The following MCF2L2 variants were observed in gnomAD, a reference collection of about 807,000 sequenced individuals.
MCF2L2 encodes MCF.2 cell line derived transforming sequence-like 2.
MCF2L2 carries 102 observed loss-of-function variants against 150.2 expected under a neutral mutation model. That is an observed-to-expected ratio of 0.68 (90% CI 0.58 to 0.80). The LOEUF (loss-of-function observed/expected upper bound fraction) is 0.80, where lower values mean the gene tolerates loss of function less well. MCF2L2 is among the 30% of genes least tolerant of loss of function. The probability of loss-of-function intolerance (pLI) is 0.00; values close to 1 mark genes in which losing one functional copy is unlikely to be tolerated. For missense variants in MCF2L2, 1,256 were observed against 1,372.8 expected (o/e 0.91, Z 1.34); for synonymous variants, 465 against 491.3 (o/e 0.95, Z 0.71).
At chr3:183,320,928 G>A (rs1729783850) in intron 6 of MCF2L2, among the ~76,000 whole-genome samples, 1 of 152,164 alleles carries the variant, frequency 6.6e-6, no homozygotes, top group South Asian at 2.1e-4. Context: ...TCATTGTAAG[G>A]TAATTAATTG....
Position 183,267,213 on chromosome 3 carries a change from T to TAAA in MCF2L2, c.1862+9656_1862+9658dup, listed in dbSNP as rs3076576. ...TACTACTCTCAGTACACTCTGTATT[T>TAAA]AAAAAAAAAAATGCTGGTTGTGGCT... On this transcript the variant is annotated intron_variant, in intron 15 of 29. Coordinates refer to ENST00000328913, the MANE Select transcript of MCF2L2 (RefSeq NM_015078.4). The surrounding 1 kb of genome is among the most constrained non-coding windows in gnomAD (Gnocchi z 5.5). 1.3e-5 allele frequency among the ~76,000 whole-genome samples: 2 copies of TAAA among 149,156 alleles called. No homozygotes were observed. Among genetic ancestry groups the TAAA allele is most frequent in the African/African-American group, 2.4e-5 (1 of 40,918 alleles).
intron 10 of MCF2L2, among the ~76,000 whole-genome samples, chr3:183,308,939 C>T (rs769152806): frequency 4.6e-5 from 7 of 152,114 alleles, no homozygotes; most frequent in Admixed American, 6.6e-5. Context: ...ACTTGGTCCC[C>T]AAGACCCAAA....
At chr3:183,364,328 A>C (rs934059045) in intron 3 of MCF2L2, among the ~76,000 whole-genome samples, 1 of 152,068 alleles carries the variant, frequency 6.6e-6, no homozygotes. Flanking sequence ...CATCCTGGCT[A>C]ACACGGTGAA....
At chr3:183,274,968 T>G (rs560586836) in intron 15 of MCF2L2, among the ~76,000 whole-genome samples, 9 of 152,052 alleles carry the variant, frequency 5.9e-5, no homozygotes, top group Admixed American at 4.6e-4. Flanking sequence ...TAGCTTGGTT[T>G]TTTTTTTTTT....
chr3:183,348,560 T>C (rs1730990528), intron 3 of MCF2L2, among the ~76,000 whole-genome samples: 1 of 151,958 alleles, frequency 6.6e-6, no homozygotes, highest in African/African-American at 2.4e-5. Context: ...AAACTTAAAG[T>C]ATAATAATAA....
intron 4 of MCF2L2, among the ~76,000 whole-genome samples, chr3:183,340,880 T>G (rs1560029989): frequency 6.6e-6 from 1 of 152,118 alleles, no homozygotes; most frequent in Non-Finnish European, 1.5e-5. Flanking sequence ...GAGGCAGAGG[T>G]TGCAGTCAGC....
chr3:183,206,027 A>G (rs2108646351), intron 24 of MCF2L2, 73 bp from the exon 25 acceptor site: 1 of 1,549,842 alleles, frequency 6.5e-7, no homozygotes, highest in Non-Finnish European at 8.9e-7. Context: ...TCTCCCAGTG[A>G]CCGTTAGACT....
intron 4 of MCF2L2, among the ~76,000 whole-genome samples, chr3:183,340,242 G>A (rs1011903487): frequency 3.3e-5 from 5 of 152,186 alleles, no homozygotes; most frequent in South Asian, 2.1e-4. Context: ...GCTCTAGAGC[G>A]ATCTGAGAGG....
chr3:183,245,771 T>C (rs1023392706), intron 15 of MCF2L2, among the ~76,000 whole-genome samples: 2 of 152,230 alleles, frequency 1.3e-5, no homozygotes, highest in African/African-American at 4.8e-5. Context: ...GAGGATCATA[T>C]TGAAACCAAT....
chr3:183,270,298 A>T lies in MCF2L2; in HGVS notation c.1862+6574T>A. 1.2e-6 allele frequency: 2 copies of T among 1,614,224 alleles called. No homozygotes were observed. Among genetic ancestry groups the T allele is most frequent in the Non-Finnish European group, 1.7e-6 (2 of 1,180,036 alleles). ...CAAGACTTTGTTGATTCTTTCTACA[A>T]TCTTACTCTGAAATTACTTATGCAG... On this transcript the variant is annotated intron_variant, in intron 15 of 29. Transcript: ENST00000328913. The surrounding 1 kb of genome is among the most constrained non-coding windows in gnomAD (Gnocchi z 4.5).
chr3:183,198,267 A>G (rs1279619441), intron 25 of MCF2L2, among the ~76,000 whole-genome samples: 2 of 152,180 alleles, frequency 1.3e-5, no homozygotes, highest in African/African-American at 4.8e-5. Flanking sequence ...AATATGTACT[A>G]TTGTTTACAA....
In MCF2L2 at chr3:183,179,608, C is replaced by T. The variant is rs374949497; in HGVS notation, c.3190G>A (p.Gly1064Arg). ...TCCTCATCGCGTTCTTCTTTTTCTC[C>T]CTGGCTGCTTTCTCCCCTCTCCAGG... ...AFLERGESSQ[G>R]EKEERDEEET... The change falls in exon 29 of 30, where the codon GGA becomes AGA. Residue 1064 changes from glycine to arginine, a missense_variant. Physicochemically the swap from Gly to Arg is moderately radical, Grantham distance 125 (BLOSUM62 -2). Transcript: ENST00000328913. The surrounding 1 kb of genome is among the most constrained non-coding windows in gnomAD (Gnocchi z 4.2). 6 of 1,614,002 alleles carry T rather than the reference C, an allele frequency of 3.7e-6. No homozygotes were observed. The highest frequency in any genetic ancestry group is 2.7e-5 in the African/African-American group (2 of 74,918).
chr3:183,267,309 T>C lies in MCF2L2; in HGVS notation c.1862+9563A>G, dbSNP rs1726247522. 6.6e-6 allele frequency among the ~76,000 whole-genome samples: 1 copy of C among 152,268 alleles called. No homozygotes were observed. Among genetic ancestry groups the C allele is most frequent in the African/African-American group, 2.4e-5 (1 of 41,476 alleles). On this transcript the variant is annotated intron_variant, in intron 15 of 29. Coordinates refer to ENST00000328913, the MANE Select transcript of MCF2L2 (RefSeq NM_015078.4). The surrounding 1 kb of genome is among the most constrained non-coding windows in gnomAD (Gnocchi z 5.5). ...AAGTGTGCCCTATACTGATTATCTC[T>C]GGACAAAGTCTGAATGGGGCTTGGC...
At chr3:183,425,951 A>G (rs1405350385) in intron 1 of MCF2L2, among the ~76,000 whole-genome samples, 1 of 145,956 alleles carries the variant, frequency 6.9e-6, no homozygotes, top group Admixed American at 6.7e-5. Flanking sequence ...GCGAAACTCC[A>G]TCTCAAAAAA....
chr3:183,415,736 T>C (rs1465664500), intron 1 of MCF2L2, among the ~76,000 whole-genome samples: 1 of 152,170 alleles, frequency 6.6e-6, no homozygotes, highest in Non-Finnish European at 1.5e-5. Flanking sequence ...ATCCTTTTAC[T>C]TTTTTATATC....
chr3:183,221,444 G>A (rs1723144145), intron 20 of MCF2L2, among the ~76,000 whole-genome samples: 1 of 152,202 alleles, frequency 6.6e-6, no homozygotes, highest in Non-Finnish European at 1.5e-5. Flanking sequence ...CACGCAGCCT[G>A]GAAGGGTCAG....
rs1728441873 is a variant in MCF2L2 at position 183,295,432 on chromosome 3, T to A, written c.1543A>T (p.Ile515Leu). The A allele has an allele frequency of 6.2e-7, 1 of 1,614,030 alleles. No homozygotes were observed. The highest frequency in any genetic ancestry group is 8.5e-7 in the Non-Finnish European group (1 of 1,180,002). The part of the protein sequence containing the change: ...VLQRLDDVQE[I>L]FHKRQVSLMK... ...AGACTCACTTGCCTCTTGTGAAATA[T>A]TTCCTGGACATCATCCAGCCTCTGC... is the stretch of plus-strand genomic sequence containing the variant. The change falls in exon 13 of 30, where the codon ATA (isoleucine) becomes TTA (leucine). Residue 515 changes from isoleucine (I) to leucine (L), a missense_variant. Physicochemically the swap from Ile to Leu is conservative, Grantham distance 5. Coordinates refer to ENST00000328913, the MANE Select transcript of MCF2L2 (RefSeq NM_015078.4).
chr3:183,234,610 T>G (rs1452929895), intron 15 of MCF2L2, among the ~76,000 whole-genome samples: 1 of 151,740 alleles, frequency 6.6e-6, no homozygotes, highest in Non-Finnish European at 1.5e-5. Context: ...CTCACATCAG[T>G]GTTAGGCCAT....
chr3:183,246,397 A>G (rs1724256853), intron 15 of MCF2L2, among the ~76,000 whole-genome samples: 1 of 152,024 alleles, frequency 6.6e-6, no homozygotes, highest in Admixed American at 6.6e-5. Context: ...TTCTGTATGA[A>G]TTTTCCTATT....
Sources: allele counts gnomAD v4.1 joint callset (sites outside exome capture counted in the v4.1 genomes callset), GRCh38; gene constraint gnomAD v4.1.1; non-coding constraint Gnocchi (gnomAD v3.1); transcripts MANE v1.5; gene names NCBI Gene and HGNC (gene_info 2026-07-23, HGNC 2026-07-21).